Variants in PARD3 observed in about 807,000 individuals in gnomAD.
PARD3 encodes the protein par-3 family cell polarity regulator, also known as partitioning defective 3 homolog.
In PARD3, 75 loss-of-function variants were observed where a neutral mutation model predicts 155.4. The ratio of observed to expected loss-of-function variants is 0.48; its 90% CI spans 0.40 to 0.58. The LOEUF is 0.58. PARD3 is among the 20% of genes least tolerant of loss of function. The pLI, the probability that PARD3 is intolerant of heterozygous loss-of-function variation, is 0.00. For missense variants in PARD3, 1,642 were observed against 1,721.7 expected (o/e 0.95, Z 0.82); for synonymous variants, 576 against 610.5 (o/e 0.94, Z 0.83).
chr10:34,384,743 T>C (rs1842179213), intron 7 of PARD3, among the ~76,000 whole-genome samples: 1 of 152,196 alleles, frequency 6.6e-6, no homozygotes, highest in Admixed American at 6.5e-5. Context: ...ATAGGAAAGA[T>C]TTCAGGAATA....
chr10:34,777,003 A>ATTTTTTTTTTTTTTTT (rs758917237), intron 1 of PARD3, among the ~76,000 whole-genome samples: 3 of 122,410 alleles, frequency 2.5e-5, no homozygotes, highest in African/African-American at 1.0e-4. Flanking sequence ...TGTCTGGCTA[A>ATTTTTTTTTTTTTTTT]TTTTTTTTTT....
intron 2 of PARD3, among the ~76,000 whole-genome samples, chr10:34,537,150 G>A (rs780746732): frequency 3.3e-5 from 5 of 152,094 alleles, no homozygotes; most frequent in South Asian, 2.1e-4. Flanking sequence ...CTACAGGTGC[G>A]TGTCACCACA....
At chr10:34,790,794 T>C (rs1285609546) in intron 1 of PARD3, among the ~76,000 whole-genome samples, 1 of 152,208 alleles carries the variant, frequency 6.6e-6, no homozygotes, top group Non-Finnish European at 1.5e-5. Context: ...TTCTTTAATC[T>C]GTGAAGTTAC....
At chr10:34,589,160 G>A (rs2088397368) in intron 2 of PARD3, among the ~76,000 whole-genome samples, 1 of 152,188 alleles carries the variant, frequency 6.6e-6, no homozygotes, top group South Asian at 2.1e-4. Flanking sequence ...ACATAGTAAT[G>A]AGTAGAAGTG....
chr10:34,600,186 A>G (rs1400339906), intron 2 of PARD3, among the ~76,000 whole-genome samples: 1 of 151,326 alleles, frequency 6.6e-6, no homozygotes, highest in Non-Finnish European at 1.5e-5. Context: ...AATACAAAAA[A>G]AAAAAAAAAA....
chr10:34,672,564 T>A (rs1193111662), intron 2 of PARD3, among the ~76,000 whole-genome samples: 1 of 152,212 alleles, frequency 6.6e-6, no homozygotes, highest in Admixed American at 6.5e-5. Context: ...ATGCCTGTAA[T>A]CCCAGCACTT....
chr10:34,411,019 T>C (rs772587073), intron 5 of PARD3, among the ~76,000 whole-genome samples: 38 of 152,206 alleles, frequency 2.5e-4, no homozygotes, highest in Admixed American at 2.4e-3. Context: ...ATACAATTTC[T>C]CATCTCTGAC....
At chr10:34,161,733 C>T (rs1195494696) in intron 22 of PARD3, among the ~76,000 whole-genome samples, 2 of 152,172 alleles carry the variant, frequency 1.3e-5, no homozygotes, top group Non-Finnish European at 2.9e-5. Context: ...AAGACACGAA[C>T]ATTCCTCCCT....
chr10:34,436,276 G>A (rs946157113), intron 5 of PARD3, among the ~76,000 whole-genome samples: 1 of 152,212 alleles, frequency 6.6e-6, no homozygotes, highest in Non-Finnish European at 1.5e-5. Flanking sequence ...TTGGAGGAAA[G>A]GGGAAGGTTT....
chr10:34,429,041 C>T (rs540867927), intron 5 of PARD3, among the ~76,000 whole-genome samples: 13 of 152,174 alleles, frequency 8.5e-5, no homozygotes, highest in East Asian at 5.8e-4. Flanking sequence ...CAGAGTAGAA[C>T]GCTTATAAAT....
chr10:34,523,389 T>G (rs574633652), intron 2 of PARD3, among the ~76,000 whole-genome samples: 1 of 152,208 alleles, frequency 6.6e-6, no homozygotes, highest in Non-Finnish European at 1.5e-5. Flanking sequence ...GGACACTCAA[T>G]GTCAATATAT....
chr10:34,167,982 C>A (rs1949613415), intron 22 of PARD3, among the ~76,000 whole-genome samples: 1 of 151,982 alleles, frequency 6.6e-6, no homozygotes, highest in African/African-American at 2.4e-5. Context: ...CCCAGGGGTG[C>A]AAGAGGGTTA....
intron 2 of PARD3, among the ~76,000 whole-genome samples, chr10:34,592,966 G>A: frequency 6.6e-6 from 1 of 152,104 alleles, no homozygotes; most frequent in East Asian, 1.9e-4. Context: ...GCCTACCTGG[G>A]CCAGAAACTT....
intron 2 of PARD3, among the ~76,000 whole-genome samples, chr10:34,657,899 C>T (rs2093219822): frequency 6.6e-6 from 1 of 151,884 alleles, no homozygotes; most frequent in Non-Finnish European, 1.5e-5. Flanking sequence ...ATAATCCCAG[C>T]ACTTTGGGAG....
intron 1 of PARD3, among the ~76,000 whole-genome samples, chr10:34,698,392 C>G (rs184510087): frequency 4.1e-4 from 63 of 152,260 alleles, no homozygotes; most frequent in African/African-American, 1.4e-3. Context: ...ATTTTCCCCC[C>G]ACTCTGTGCC....
chr10:34,749,620 T>C (rs1162328558), intron 1 of PARD3, among the ~76,000 whole-genome samples: 1 of 152,010 alleles, frequency 6.6e-6, no homozygotes, highest in Non-Finnish European at 1.5e-5. Flanking sequence ...CTTTAAAAAG[T>C]GACAAAAAAG....
At chr10:34,273,871 T>C (rs766894257) in intron 21 of PARD3, among the ~76,000 whole-genome samples, 1 of 152,114 alleles carries the variant, frequency 6.6e-6, no homozygotes, top group African/African-American at 2.4e-5. Context: ...CTGTCTGACT[T>C]TTCTTCTCTC....
At chr10:34,550,922 A>G (rs2084500032) in intron 2 of PARD3, among the ~76,000 whole-genome samples, 1 of 152,212 alleles carries the variant, frequency 6.6e-6, no homozygotes, top group Non-Finnish European at 1.5e-5. Flanking sequence ...TTCGTATTAC[A>G]TATGCCCTTC....
At chr10:34,489,580 A>G (rs1165925145) in intron 3 of PARD3, among the ~76,000 whole-genome samples, 1 of 152,236 alleles carries the variant, frequency 6.6e-6, no homozygotes, top group Non-Finnish European at 1.5e-5. Context: ...TGGTTGCTCC[A>G]AGGCAGCAAT....
Sources: gnomAD v4.1 joint callset for allele counts (sites outside exome capture counted in the v4.1 genomes callset) on GRCh38, gnomAD v4.1.1 for gene constraint, MANE v1.5 for transcripts, NCBI Gene and HGNC (gene_info 2026-07-23, HGNC 2026-07-21) for gene names.